The following ERBB4 variants were observed in gnomAD, a reference collection of about 807,000 sequenced individuals.
ERBB4 encodes the protein erb-b2 receptor tyrosine kinase 4, also known as receptor tyrosine-protein kinase erbB-4.
In ERBB4, 42 loss-of-function variants were observed where a neutral mutation model predicts 158.0. That is an observed-to-expected ratio of 0.27 (90% CI 0.21 to 0.34). The LOEUF (loss-of-function observed/expected upper bound fraction) is 0.34, where lower values mean the gene tolerates loss of function less well. Ranked by LOEUF, ERBB4 falls within the 10% of genes least tolerant of loss-of-function variation. ERBB4 has a pLI of 1.00. For missense variants in ERBB4, 1,333 were observed against 1,624.1 expected (o/e 0.82, Z 3.08); for synonymous variants, 583 against 558.7 (o/e 1.04, Z -0.61).
intron 20 of ERBB4, among the ~76,000 whole-genome samples, chr2:211,475,219 G>A (rs1263211247): frequency 6.6e-6 from 1 of 151,976 alleles, no homozygotes; most frequent in Admixed American, 6.6e-5. Context: ...AGAGGAAAAG[G>A]GCAGTTTTTA....
At chr2:211,777,576 A>ATAGTAG (rs2106290117) in intron 4 of ERBB4, 1 of 152,264 alleles carries the variant, frequency 6.6e-6, no homozygotes, top group East Asian at 1.9e-4. Flanking sequence ...TATCCCTACG[A>ATAGTAG]GGTTTACCCC....
At chr2:212,007,272 T>C (rs891078877) in intron 2 of ERBB4, among the ~76,000 whole-genome samples, 11 of 151,902 alleles carry the variant, frequency 7.2e-5, no homozygotes, top group Non-Finnish European at 1.6e-4. Flanking sequence ...AAAAGTCTTT[T>C]AAAATTAAAT....
intron 4 of ERBB4, chr2:211,777,322 G>A (rs2075905648): frequency 6.6e-6 from 1 of 152,060 alleles, no homozygotes; most frequent in African/African-American, 2.4e-5. Flanking sequence ...GGGTGGTTGA[G>A]GGGGACTTAA....
intron 7 of ERBB4, among the ~76,000 whole-genome samples, chr2:211,717,982 C>T (rs967770885): frequency 2.6e-5 from 4 of 152,122 alleles, no homozygotes; most frequent in African/African-American, 7.2e-5. Context: ...GATCCCGACT[C>T]ACTGCAACCT....
chr2:211,417,722 C>A (rs901258282), intron 25 of ERBB4, among the ~76,000 whole-genome samples: 1 of 152,072 alleles, frequency 6.6e-6, no homozygotes, highest in Admixed American at 6.6e-5. Context: ...TAGAACACAT[C>A]AGCAGAAATA....
At chr2:211,533,307 G>A (rs2066552340) in intron 20 of ERBB4, among the ~76,000 whole-genome samples, 1 of 151,844 alleles carries the variant, frequency 6.6e-6, no homozygotes, top group South Asian at 2.1e-4. Flanking sequence ...CATGTCTTCT[G>A]TAATTTTACA....
intron 19 of ERBB4, among the ~76,000 whole-genome samples, chr2:211,570,001 C>A (rs968696270): frequency 1.3e-5 from 2 of 152,098 alleles, no homozygotes; most frequent in Non-Finnish European, 2.9e-5. Context: ...TGCTCTTTGG[C>A]TGAAGGTAAA....
chr2:211,982,710 G>C (rs142013456), intron 2 of ERBB4, among the ~76,000 whole-genome samples: 1 of 152,162 alleles, frequency 6.6e-6, no homozygotes, highest in African/African-American at 2.4e-5. Flanking sequence ...CCTTGGCCAG[G>C]CTGTTTTGCC....
At chr2:212,534,298 T>C (rs1692919724) in intron 1 of ERBB4, among the ~76,000 whole-genome samples, 1 of 152,176 alleles carries the variant, frequency 6.6e-6, no homozygotes, top group Non-Finnish European at 1.5e-5. Context: ...CCAAGAGTAC[T>C]TAGAAAGAGC....
chr2:211,941,065 A>T (rs181205193), intron 3 of ERBB4, among the ~76,000 whole-genome samples: 2 of 152,256 alleles, frequency 1.3e-5, no homozygotes, highest in African/African-American at 4.8e-5. Flanking sequence ...CATGACAAGC[A>T]AACAATACTC....
At chr2:211,448,353 A>C (rs774682904) in intron 20 of ERBB4, among the ~76,000 whole-genome samples, 1 of 152,136 alleles carries the variant, frequency 6.6e-6, no homozygotes, top group Non-Finnish European at 1.5e-5. Context: ...AGGTGAATCT[A>C]AATCCAAACA....
At chr2:212,080,384 G>A (rs1399490585) in intron 2 of ERBB4, among the ~76,000 whole-genome samples, 2 of 150,610 alleles carry the variant, frequency 1.3e-5, no homozygotes. Context: ...AATTTAAACA[G>A]AATAGGCAAG....
intron 2 of ERBB4, among the ~76,000 whole-genome samples, chr2:212,108,741 A>G (rs1278751999): frequency 7.0e-6 from 1 of 142,512 alleles, no homozygotes; most frequent in Non-Finnish European, 1.5e-5. Context: ...GAACCAAAGT[A>G]TAATTGAATA....
At chr2:211,803,683 A>C (rs891367723) in intron 3 of ERBB4, among the ~76,000 whole-genome samples, 7 of 152,240 alleles carry the variant, frequency 4.6e-5, no homozygotes, top group Non-Finnish European at 1.0e-4. Context: ...ACACTCTTCT[A>C]TGCAAAGCAC....
intron 2 of ERBB4, among the ~76,000 whole-genome samples, chr2:212,055,881 C>T (rs1190767321): frequency 6.6e-6 from 1 of 152,234 alleles, no homozygotes; most frequent in African/African-American, 2.4e-5. Context: ...CTCTCCCCGT[C>T]CAAAGGAGCG....
intron 19 of ERBB4, among the ~76,000 whole-genome samples, chr2:211,603,468 A>G (rs1290610341): frequency 1.3e-5 from 2 of 152,208 alleles, no homozygotes; most frequent in East Asian, 3.8e-4. Context: ...AAAATCATCC[A>G]TTACAAAAGG....
At position 212,381,734 on chromosome 2, in the gene ERBB4, T is replaced by A. The variant is rs2090510200; in HGVS notation, c.82+156715A>T. ...GTCTAGGCATCACTTAAAATTAATG[T>A]AACAAAAATAAATTTATTCATAAAT... On this transcript the variant is annotated intron_variant, in intron 1 of 27. Transcript: ENST00000342788. 3.3e-5 allele frequency among the ~76,000 whole-genome samples: 5 copies of A among 151,330 alleles called. No individual in the cohort carries two copies. In the South Asian group the frequency reaches 1.0e-3, roughly 31 times the overall value.
At chr2:212,325,249 T>A (rs1176854588) in intron 1 of ERBB4, among the ~76,000 whole-genome samples, 2 of 150,640 alleles carry the variant, frequency 1.3e-5, no homozygotes, top group East Asian at 1.9e-4. Context: ...TTCATGAATA[T>A]AAAGGTAGTC....
intron 2 of ERBB4, among the ~76,000 whole-genome samples, chr2:212,120,582 A>C (rs926639601): frequency 6.6e-6 from 1 of 152,242 alleles, no homozygotes; most frequent in Admixed American, 6.5e-5. Context: ...AATTCATAGA[A>C]ATTAGAGTGG....
Sources: gnomAD v4.1 joint callset for allele counts (sites outside exome capture counted in the v4.1 genomes callset) on GRCh38, gnomAD v4.1.1 for gene constraint, MANE v1.5 for transcripts, NCBI Gene and HGNC (gene_info 2026-07-23, HGNC 2026-07-21) for gene names.